The following CTNND1 variants were observed in gnomAD, a reference collection of about 807,000 sequenced individuals.
CTNND1 encodes the protein catenin delta 1.
CTNND1 carries 16 observed loss-of-function variants against 112.1 expected under a neutral mutation model. The ratio of observed to expected loss-of-function variants is 0.14; its 90% CI spans 0.10 to 0.22. CTNND1 has a LOEUF of 0.22. CTNND1 is among the 10% of genes least tolerant of loss of function. CTNND1 has a pLI of 1.00. For missense variants in CTNND1, 1,008 were observed against 1,257.0 expected (o/e 0.80, Z 3.00); for synonymous variants, 420 against 446.5 (o/e 0.94, Z 0.75).
chr11:57,800,592 A>G lies in CTNND1; in HGVS notation c.957-1141A>G, dbSNP rs189593265. On this transcript the variant is annotated intron_variant, in intron 6 of 20. Coordinates refer to ENST00000399050, the MANE Select transcript of CTNND1 (RefSeq NM_001085458.2). ...CCTGTTTCCGTGTTATTTTAAGACC[A>G]TCTTGGTCATGGTTTACTAAATGCT... 3.9e-4 allele frequency among the ~76,000 whole-genome samples: 59 copies of G among 152,274 alleles called. No individual in the cohort carries two copies. The East Asian group carries it at 0.011, about 29-fold the overall frequency.
chr11:57,766,118 T>C (rs1591096229), intron 1 of CTNND1, among the ~76,000 whole-genome samples: 1 of 152,054 alleles, frequency 6.6e-6, no homozygotes, highest in South Asian at 2.1e-4. Context: ...ATAATAATAA[T>C]AAATAAATAA....
intron 18 of CTNND1, 91 bp downstream of exon 18, chr11:57,814,464 T>G (rs2063725029): frequency 3.6e-6 from 3 of 844,262 alleles, no homozygotes; most frequent in Non-Finnish European, 3.8e-6. Context: ...TCTAATACCC[T>G]TACCATTTAC....
intron 1 of CTNND1, among the ~76,000 whole-genome samples, chr11:57,768,804 A>G (rs1204862699): frequency 6.6e-6 from 1 of 152,158 alleles, no homozygotes; most frequent in East Asian, 1.9e-4. Flanking sequence ...CAGCTTTTAT[A>G]TGTGGAAAAG....
intron 1 of CTNND1, among the ~76,000 whole-genome samples, chr11:57,766,322 G>A (rs957621172): frequency 1.3e-5 from 2 of 152,234 alleles, no homozygotes; most frequent in South Asian, 2.1e-4. Flanking sequence ...TTGAACATCA[G>A]TGTTTCAAAG....
At chr11:57,803,981 A>T in intron 8 of CTNND1, 177 bp downstream of exon 8, 1 of 491,334 alleles carries the variant, frequency 2.0e-6, no homozygotes, top group East Asian at 3.3e-5. Flanking sequence ...TGTATACCAC[A>T]TGTACCTATA....
intron 9 of CTNND1, among the ~76,000 whole-genome samples, chr11:57,805,641 C>T (rs1348432751): frequency 6.6e-6 from 1 of 152,032 alleles, no homozygotes; most frequent in Non-Finnish European, 1.5e-5. Context: ...AATGATGATC[C>T]AATTTCAGTC....
At chr11:57,764,379 A>C (rs531206966) in intron 1 of CTNND1, among the ~76,000 whole-genome samples, 21 of 152,306 alleles carry the variant, frequency 1.4e-4, no homozygotes, top group Admixed American at 1.2e-3. Context: ...AAAGAAAAGC[A>C]CTAAGTAATT....
At chr11:57,768,682 CAA>C (rs1259697763) in intron 1 of CTNND1, among the ~76,000 whole-genome samples, 23 of 151,960 alleles carry the variant, frequency 1.5e-4, no homozygotes, top group Non-Finnish European at 5.9e-5. Flanking sequence ...CGTGAGCCAC[CAA>C]GCCCAGCCAG....
intron 12 of CTNND1, 87 bp from the exon 13 acceptor site, chr11:57,808,078 A>G: frequency 7.1e-7 from 1 of 1,403,934 alleles, no homozygotes; most frequent in Admixed American, 2.1e-5. Flanking sequence ...CCATCAACTG[A>G]GAGTACTAAG....
intron 1 of CTNND1, among the ~76,000 whole-genome samples, chr11:57,774,795 C>A (rs1232210474): frequency 6.6e-6 from 1 of 152,038 alleles, no homozygotes; most frequent in African/African-American, 2.4e-5. Flanking sequence ...CTCGCTGCAA[C>A]CTCCGCCTCC....
chr11:57,809,411 A>G lies in CTNND1; in HGVS notation c.2380A>G (p.Lys794Glu), dbSNP rs368743229. Residue 794 changes from lysine to glutamate, a missense_variant, in exon 15 of 21, where the codon AAA becomes GAA. Physicochemically the swap from Lys to Glu is moderately conservative, Grantham distance 56. Coordinates refer to ENST00000399050, the MANE Select transcript of CTNND1 (RefSeq NM_001085458.2). ...TATCGCTGAGAACTTGGAGGCTGCCAAAAAGCTTCGAGAGACACAGGGTAT... is the reference window on the plus strand; with the variant it reads ...TATCGCTGAGAACTTGGAGGCTGCCGAAAAGCTTCGAGAGACACAGGGTAT... ...EVIAENLEAA[K>E]KLRETQGIEK... is the part of the protein sequence containing the mutation. The G allele has an allele frequency of 3.7e-6, 6 of 1,613,726 alleles. No individual in the cohort carries two copies. The highest frequency in any genetic ancestry group is 3.3e-5 in the Admixed American group (2 of 59,976).
chr11:57,796,495 A>C lies in CTNND1; in HGVS notation c.459A>C (p.Val153=), dbSNP rs554025960. 1 of 1,613,526 alleles carries C rather than the reference A, an allele frequency of 6.2e-7. No individual in the cohort carries two copies. Among genetic ancestry groups the C allele is most frequent in the Admixed American group, 1.7e-5 (1 of 59,988 alleles). Reference sequence around the variant, plus strand: ...TGAAGACTGTGACAACACGGACAGTACAGCCAGTCGCTATGGGACCAGACG... The same window carrying C: ...TGAAGACTGTGACAACACGGACAGTCCAGCCAGTCGCTATGGGACCAGACG... ...KVVKTVTTRT[V]QPVAMGPDGL... Residue 153 remains valine, a synonymous_variant, in exon 6 of 21, where the codon GTA becomes GTC. Coordinates refer to ENST00000399050, the MANE Select transcript of CTNND1 (RefSeq NM_001085458.2).
intron 1 of CTNND1, among the ~76,000 whole-genome samples, chr11:57,768,767 T>G (rs1294956276): frequency 6.6e-6 from 1 of 152,140 alleles, no homozygotes; most frequent in Non-Finnish European, 1.5e-5. Context: ...ATGCTTCCTG[T>G]GAGAAGTGTG....
At position 57,805,867 on chromosome 11, in the gene CTNND1, T is replaced by C. The variant is rs996873828; in HGVS notation, c.1723-15T>C. On this transcript the variant is annotated splice_polypyrimidine_tract_variant and intron_variant, in intron 9 of 20. Transcript: ENST00000399050. ...AGACATTCTTTTTTCTCATTGGCCCTTTTATGTCCCTAAGCTTGTAGAGAA... is the reference window on the plus strand; with the variant it reads ...AGACATTCTTTTTTCTCATTGGCCCCTTTATGTCCCTAAGCTTGTAGAGAA... 1 of 1,608,502 alleles carries C rather than the reference T, an allele frequency of 6.2e-7. No individual in the cohort carries two copies. The highest frequency in any genetic ancestry group is 1.7e-5 in the Admixed American group (1 of 59,084).
chr11:57,815,209 T>C (rs1352928771), intron 18 of CTNND1, among the ~76,000 whole-genome samples, 185 bp from the exon 19 acceptor site: 4 of 152,214 alleles, frequency 2.6e-5, no homozygotes, highest in Non-Finnish European at 5.9e-5. Context: ...ATTACAGGCA[T>C]GAGCCACCAC....
Position 57,769,721 on chromosome 11 carries a change from G to A in CTNND1, c.-214+7602G>A, listed in dbSNP as rs545548708. Among the ~76,000 whole-genome samples the A allele has an allele frequency of 9.2e-5, 14 of 151,812 alleles. No individual in the cohort carries two copies. In the South Asian group the frequency reaches 2.3e-3, roughly 25 times the overall value. On this transcript the variant is annotated intron_variant, in intron 1 of 20. Transcript: ENST00000399050. ...CCTCACTAACAGTTAACATAAAGAC[G>A]TATTTCTGTTTCTTGTACCCATGTG...
At chr11:57,806,352 C>T (rs936168956) in intron 10 of CTNND1, 109 bp from the exon 11 acceptor site, 2 of 1,079,704 alleles carry the variant, frequency 1.9e-6, no homozygotes, top group African/African-American at 3.2e-5. Flanking sequence ...TTCTTTTCTT[C>T]TCTGTGCTTC....
At chr11:57,806,753 A>T in intron 11 of CTNND1, 162 bp from the exon 12 acceptor site, 1 of 653,496 alleles carries the variant, frequency 1.5e-6, no homozygotes, top group Non-Finnish European at 2.7e-6. Context: ...CTTGTTTCTG[A>T]ATAGTCCCCT....
chr11:57,783,551 G>C (rs2136378796), intron 1 of CTNND1, among the ~76,000 whole-genome samples: 1 of 151,874 alleles, frequency 6.6e-6, no homozygotes. Context: ...CCCAGCTACT[G>C]GGGAGGCTGA....
Sources: gnomAD v4.1 joint callset for allele counts (sites outside exome capture counted in the v4.1 genomes callset) on GRCh38, gnomAD v4.1.1 for gene constraint, MANE v1.5 for transcripts, NCBI Gene and HGNC (gene_info 2026-07-23, HGNC 2026-07-21) for gene names.